INO80D: variants seen among roughly 807,000 people sequenced by gnomAD.
INO80D encodes INO80 complex subunit D.
INO80D carries 21 observed loss-of-function variants against 87.6 expected under a neutral mutation model. The observed-to-expected ratio is 0.24, with a 90% CI of 0.17 to 0.35. INO80D has a LOEUF of 0.35. INO80D is among the 10% of genes least tolerant of loss of function. The probability of loss-of-function intolerance (pLI) is 1.00; values close to 1 mark genes in which losing one functional copy is unlikely to be tolerated. For synonymous variants in INO80D, 440 were observed against 491.0 expected (o/e 0.90, Z 1.37); for missense variants, 982 against 1,280.7 (o/e 0.77, Z 3.56).
rs568786788 is a variant in INO80D, at chr2:206,007,988, G to GT, written c.1761-548dup. The GT allele has an allele frequency of 5.0e-4, 73 of 146,458 alleles. No homozygotes were observed. In the Middle Eastern group the frequency reaches 0.01, roughly 21 times the overall value. The allele number at this position is 146,458 out of a possible 1,614,324, so 9.1% of individuals were successfully genotyped here. A position where few individuals can be genotyped will look rare whatever the true frequency, so the allele number is the denominator to read the frequency against. On this transcript the variant is annotated intron_variant, in intron 9 of 10. Transcript: ENST00000403263. ...TAAAGCCAATCCTAATGTCTTCTAG[G>GT]TTTTTTTTTTTAGACAGAGTTTCAC...
At position 206,005,360 on chromosome 2, in the gene INO80D, C is replaced by T; in HGVS notation, c.2092G>A (p.Gly698Arg). 1 of 1,614,000 alleles carries T rather than the reference C, an allele frequency of 6.2e-7. No individual in the cohort carries two copies. Among genetic ancestry groups the T allele is most frequent in the Non-Finnish European group, 8.5e-7 (1 of 1,179,896 alleles). The change falls in exon 11 of 11, where the codon GGA becomes AGA. Residue 698 changes from glycine to arginine, a missense_variant. Transcript: ENST00000403263. ...CTCAAGGATTGTATTCCTGAAGCTCCAGTACCTGTGGAGAACACCCCTATT... is the reference window on the plus strand; with the variant it reads ...CTCAAGGATTGTATTCCTGAAGCTCTAGTACCTGTGGAGAACACCCCTATT... The part of the protein sequence containing the change: ...RGIGVFSTGT[G>R]ASGIQSLSRE...
intron 1 of INO80D, among the ~76,000 whole-genome samples, chr2:206,083,589 T>C (rs556747760): frequency 6.6e-6 from 1 of 152,160 alleles, no homozygotes; most frequent in African/African-American, 2.4e-5. Flanking sequence ...CGGATATCTA[T>C]CATTGTGGAG....
chr2:206,006,463 A>G (rs1035707374), intron 10 of INO80D, among the ~76,000 whole-genome samples: 7 of 151,920 alleles, frequency 4.6e-5, no homozygotes, highest in African/African-American at 1.7e-4. Flanking sequence ...CAGGTGGATC[A>G]CCTGAGGTTG....
chr2:206,066,090 T>C (rs1043206817), intron 1 of INO80D, among the ~76,000 whole-genome samples: 2 of 151,792 alleles, frequency 1.3e-5, no homozygotes, highest in Non-Finnish European at 2.9e-5. Flanking sequence ...CAAAATCCTG[T>C]TTCTCCTAAA....
intron 8 of INO80D, among the ~76,000 whole-genome samples, chr2:206,010,529 T>C (rs1473672028): frequency 6.6e-6 from 1 of 152,110 alleles, no homozygotes. Context: ...TATTGGCACA[T>C]AAAACAGTGG....
intron 1 of INO80D, chr2:206,063,545 T>C (rs1689741080): frequency 6.5e-6 from 1 of 154,562 alleles, no homozygotes; most frequent in African/African-American, 2.4e-5. Flanking sequence ...AATACAAAAC[T>C]GAGCCAGGCA....
chr2:206,047,984 G>A (rs1347436734), intron 4 of INO80D, among the ~76,000 whole-genome samples: 1 of 151,602 alleles, frequency 6.6e-6, no homozygotes, highest in African/African-American at 2.4e-5. Flanking sequence ...CCGAGTAGCT[G>A]GGACTACAGG....
intron 1 of INO80D, among the ~76,000 whole-genome samples, chr2:206,082,787 C>T (rs1690320469): frequency 6.6e-6 from 1 of 152,200 alleles, no homozygotes; most frequent in African/African-American, 2.4e-5. Context: ...CAGAGAACAT[C>T]TCAGGTATGA....
intron 1 of INO80D, among the ~76,000 whole-genome samples, chr2:206,066,070 G>A (rs1348868883): frequency 1.3e-5 from 2 of 152,054 alleles, no homozygotes; most frequent in Non-Finnish European, 2.9e-5. Flanking sequence ...GACCAGCCTG[G>A]TCAACATGGC....
At chr2:206,041,687 T>A (rs927584384) in intron 5 of INO80D, among the ~76,000 whole-genome samples, 1 of 152,238 alleles carries the variant, frequency 6.6e-6, no homozygotes, top group African/African-American at 2.4e-5. Context: ...ACAACACTAT[T>A]AACCAACTTG....
At chr2:206,060,072 G>A (rs1270574979) in intron 3 of INO80D, among the ~76,000 whole-genome samples, 1 of 152,074 alleles carries the variant, frequency 6.6e-6, no homozygotes, top group Non-Finnish European at 1.5e-5. Context: ...CAGCCACGTG[G>A]CTTGTGCCTG....
chr2:206,018,394 C>T (rs1038388077), intron 7 of INO80D, among the ~76,000 whole-genome samples: 3 of 152,106 alleles, frequency 2.0e-5, no homozygotes, highest in African/African-American at 7.2e-5. Flanking sequence ...GATCTAGCCG[C>T]CTCAGCCTCC....
intron 5 of INO80D, chr2:206,040,776 C>A: frequency 3.8e-6 from 1 of 266,558 alleles, no homozygotes; most frequent in Non-Finnish European, 7.8e-6. Flanking sequence ...AATGGGAGGC[C>A]AAGGTCAAGC....
chr2:206,077,582 G>A (rs558849687), intron 1 of INO80D, among the ~76,000 whole-genome samples: 4 of 152,112 alleles, frequency 2.6e-5, no homozygotes. Flanking sequence ...ACTGATCTGG[G>A]TACAGTATTT....
rs890026203 is a variant in INO80D at position 206,003,718 on chromosome 2, G to C, written c.*650C>G. On this transcript the variant is annotated 3_prime_UTR_variant, in exon 11 of 11. Transcript: ENST00000403263. ...AAGAGTTTTATACTCATTAAGTAGG[G>C]GGAAGGGGAGAACAAAAAAAAATCA... 1 of 154,436 alleles carries C rather than the reference G, an allele frequency of 6.5e-6. No homozygotes were observed. Among genetic ancestry groups the C allele is most frequent in the African/African-American group, 2.4e-5 (1 of 41,458 alleles). 9.6% of individuals were successfully genotyped at this position (154,436 alleles called of 1,614,324 possible).
intron 7 of INO80D, among the ~76,000 whole-genome samples, chr2:206,019,358 T>C (rs1380457065): frequency 6.6e-6 from 1 of 152,228 alleles, no homozygotes; most frequent in Non-Finnish European, 1.5e-5. Context: ...TCTGTAAAAC[T>C]GTGTAACTGT....
At chr2:206,010,551 G>C (rs559650000) in intron 8 of INO80D, among the ~76,000 whole-genome samples, 1 of 152,236 alleles carries the variant, frequency 6.6e-6, no homozygotes, top group Admixed American at 6.5e-5. Flanking sequence ...ATTTGCAATT[G>C]ATGTCACCTT....
At chr2:206,073,640 A>C (rs1305694632) in intron 1 of INO80D, among the ~76,000 whole-genome samples, 2 of 152,054 alleles carry the variant, frequency 1.3e-5, no homozygotes, top group African/African-American at 4.8e-5. Flanking sequence ...CAACCTCCCA[A>C]GGAGCTGGGG....
chr2:206,005,357 C>T lies in INO80D; in HGVS notation c.2095G>A (p.Ala699Thr), dbSNP rs964117072. ...CGGCTCAAGGATTGTATTCCTGAAG[C>T]TCCAGTACCTGTGGAGAACACCCCT... ...GIGVFSTGTG[A>T]SGIQSLSREV... The change falls in exon 11 of 11, where the codon GCT becomes ACT. Residue 699 changes from alanine (A) to threonine (T), a missense_variant. Physicochemically the swap from Ala to Thr is moderately conservative, Grantham distance 58 (BLOSUM62 0). Transcript: ENST00000403263. 6.2e-7 allele frequency: 1 copy of T among 1,614,020 alleles called. No individual in the cohort carries two copies.
Sources: allele counts gnomAD v4.1 joint callset (sites outside exome capture counted in the v4.1 genomes callset), GRCh38; gene constraint gnomAD v4.1.1; transcripts MANE v1.5; gene names NCBI Gene and HGNC (gene_info 2026-07-23, HGNC 2026-07-21).